Variants in GALNT9 observed in about 807,000 individuals in gnomAD.
GALNT9 encodes GalNAc transferase 9.
GALNT9 carries 47 observed loss-of-function variants against 63.1 expected under a neutral mutation model. The observed-to-expected ratio is 0.75, with a 90% confidence interval of 0.59 to 0.95. The LOEUF (loss-of-function observed/expected upper bound fraction) is 0.95. GALNT9 is among the 40% of genes least tolerant of loss of function. The pLI is 0.00. For synonymous variants in GALNT9, 396 were observed against 365.7 expected (o/e 1.08, Z -0.94); for missense variants, 829 against 874.8 (o/e 0.95, Z 0.66).
chr12:132,302,445 C>T (rs1881334268), intron 1 of GALNT9, among the ~76,000 whole-genome samples: 2 of 152,232 alleles, frequency 1.3e-5, no homozygotes, highest in African/African-American at 4.8e-5. Flanking sequence ...ACTAAAAATT[C>T]TTCATAAACA....
rs777497482 is a variant in GALNT9 at position 132,201,259 on chromosome 12, G to C, written c.1266C>G (p.Asn422Lys). The C allele has an allele frequency of 6.2e-6, 10 of 1,611,396 alleles. No individual in the cohort carries two copies. The highest frequency in any genetic ancestry group is 8.5e-6 in the Non-Finnish European group (10 of 1,177,924). ...ACACGTCCCCGAAGTCCACCCCTGG[G>C]TTCTGCAAGGCCAGAAGTAGGTGAG... is the stretch of plus-strand genomic sequence containing the variant. ...VYMAWNIPMS[N>K]PGVDFGDVSE... Residue 422 changes from asparagine to lysine, a missense_variant and splice_region_variant, in exon 8 of 11, where the codon AAC (asparagine) becomes AAG (lysine). Asn to Lys is a moderately conservative substitution (Grantham distance 94). Transcript: ENST00000328957.
rs113323536 is a variant in GALNT9 at position 132,325,727 on chromosome 12, C to A, written c.238+3239G>T. On this transcript the variant is annotated intron_variant, in intron 1 of 10. Transcript: ENST00000328957. ...GGCCCAGACCTCTCAGACCTGGGAC[C>A]TGGGCTAGGGCAGGTCAGTGAGAGG... 3.1e-3 allele frequency among the ~76,000 whole-genome samples: 468 copies of A among 152,326 alleles called. 5 individuals are homozygous for A. Among genetic ancestry groups the A allele is most frequent in the Non-Finnish European group, 2.8e-3 (193 of 68,030 alleles).
At position 132,243,416 on chromosome 12, in the gene GALNT9, C is replaced by A. The variant is rs2136905403; in HGVS notation, c.1077+4494G>T. Among the ~76,000 whole-genome samples the A allele has an allele frequency of 1.3e-4, 20 of 152,224 alleles. No homozygotes were observed. In the South Asian group the frequency reaches 1.5e-3, roughly 11 times the overall value. ...AGCTCTCTCTGGTGGGGGCCCCAGT[C>A]CTCCTCGTCTTCCGGAGCTCTCTCT... On this transcript the variant is annotated intron_variant, in intron 6 of 10. Transcript: ENST00000328957.
At position 132,323,018 on chromosome 12, in the gene GALNT9, G is replaced by A. The variant is rs539652069; in HGVS notation, c.238+5948C>T. Among the ~76,000 whole-genome samples, 12 of 152,272 alleles carry A rather than the reference G, an allele frequency of 7.9e-5. No homozygotes were observed. The South Asian group carries it at 8.3e-4, about 11-fold the overall frequency. On this transcript the variant is annotated intron_variant, in intron 1 of 10. Coordinates refer to ENST00000328957, the MANE Select transcript of GALNT9 (RefSeq NM_001122636.2). ...CTTGCCCCCTCCTCCAGCGCCTCCC[G>A]GCTTCTCCACCTCCTTGTCCCTTCA...
chr12:132,262,412 AC>A, intron 3 of GALNT9, 46 bp downstream of exon 3: 2 of 1,521,232 alleles, frequency 1.3e-6, no homozygotes, highest in Admixed American at 4.1e-5. Context: ...CAACCCAGCC[AC>A]AGGCAGCCGC....
intron 4 of GALNT9, 68 bp from the exon 5 acceptor site, chr12:132,257,954 C>A: frequency 1.8e-6 from 2 of 1,141,630 alleles, no homozygotes; most frequent in East Asian, 2.6e-5. Context: ...GGTCCACTCG[C>A]CCACAGGGAG....
At chr12:132,263,929 C>T (rs534884153) in intron 2 of GALNT9, among the ~76,000 whole-genome samples, 25 of 152,232 alleles carry the variant, frequency 1.6e-4, no homozygotes, top group African/African-American at 3.6e-4. Context: ...GGCCTGGCTG[C>T]GGGGCCACAT....
At chr12:132,263,089 T>G (rs1427963804) in intron 2 of GALNT9, among the ~76,000 whole-genome samples, 1 of 151,638 alleles carries the variant, frequency 6.6e-6, no homozygotes, top group Non-Finnish European at 1.5e-5. Context: ...GCCATCAGCT[T>G]CAGGAGCACG....
intron 1 of GALNT9, among the ~76,000 whole-genome samples, chr12:132,311,636 C>T (rs574598429): frequency 1.3e-5 from 2 of 152,320 alleles, no homozygotes; most frequent in East Asian, 1.9e-4. Context: ...GGGCAGCTGC[C>T]GTGGGACAGC....
chr12:132,198,612 A>AG (rs370845210), intron 9 of GALNT9, among the ~76,000 whole-genome samples: 26 of 152,170 alleles, frequency 1.7e-4, no homozygotes, highest in African/African-American at 6.0e-4. Context: ...CTCTTGACTG[A>AG]GGGGGGAGTG....
At chr12:132,228,750 C>T (rs1308517765) in intron 6 of GALNT9, among the ~76,000 whole-genome samples, 1 of 152,112 alleles carries the variant, frequency 6.6e-6, no homozygotes, top group African/African-American at 2.4e-5. Flanking sequence ...AGAGAGCAAA[C>T]GATTTCCAAC....
At chr12:132,197,758 C>A in intron 10 of GALNT9, 34 bp downstream of exon 10, 1 of 1,398,436 alleles carries the variant, frequency 7.2e-7, no homozygotes, top group Non-Finnish European at 9.9e-7. Context: ...CTGCCCCGCC[C>A]CAACCCCACG....
chr12:132,269,311 G>A (rs971987612), intron 2 of GALNT9, among the ~76,000 whole-genome samples: 5 of 152,250 alleles, frequency 3.3e-5, no homozygotes, highest in African/African-American at 1.2e-4. Context: ...CACGCGTGGC[G>A]GGTCCCATGC....
chr12:132,198,060 C>T (rs1875665477), intron 9 of GALNT9, 101 bp from the exon 10 acceptor site: 2 of 987,928 alleles, frequency 2.0e-6, no homozygotes, highest in Non-Finnish European at 3.0e-6. Context: ...AAACGGGGCC[C>T]TGCGCGGCTG....
At position 132,260,945 on chromosome 12, in the gene GALNT9, T is replaced by C. The variant is rs1555239675; in HGVS notation, c.761+3A>G. ...TGGCTGTCCAGCCTGTTCCGGCCCTTACCAGCCCGTGTTGAACTCGACGTG... is the reference window on the plus strand; with the variant it reads ...TGGCTGTCCAGCCTGTTCCGGCCCTCACCAGCCCGTGTTGAACTCGACGTG... On this transcript the variant is annotated splice_donor_region_variant and intron_variant, in intron 4 of 10. Transcript: ENST00000328957. 6.5e-7 allele frequency: 1 copy of C among 1,537,704 alleles called. No homozygotes were observed. Among genetic ancestry groups the C allele is most frequent in the Non-Finnish European group, 8.8e-7 (1 of 1,141,870 alleles).
rs759517558 is a variant in GALNT9 at position 132,197,943 on chromosome 12, G to A, written c.1514C>T (p.Ala505Val). 9 of 1,609,800 alleles carry A rather than the reference G, an allele frequency of 5.6e-6. No individual in the cohort carries two copies. Among genetic ancestry groups the A allele is most frequent in the African/African-American group, 1.3e-5 (1 of 74,922 alleles). The change falls in exon 10 of 11, where the codon GCT (alanine) becomes GTT (valine). Residue 505 changes from alanine (A) to valine (V), a missense_variant. By Grantham distance (64) the Ala-to-Val change is moderately conservative (BLOSUM62 0). Coordinates refer to ENST00000328957, the MANE Select transcript of GALNT9 (RefSeq NM_001122636.2). ...AGGCCCCAGCTGCAGCAGTCCATCAGCGCTGTACCGCACCAGCTGGGGACA... is the reference window on the plus strand; with the variant it reads ...AGGCCCCAGCTGCAGCAGTCCATCAACGCTGTACCGCACCAGCTGGGGACA... Reference protein sequence around the residue: ...GMSSQLVRYSADGLLQLGPLG... With the variant: ...GMSSQLVRYSVDGLLQLGPLG...
intron 6 of GALNT9, among the ~76,000 whole-genome samples, chr12:132,220,353 AAG>A (rs1877401536): frequency 6.6e-6 from 1 of 152,196 alleles, no homozygotes; most frequent in Admixed American, 6.5e-5. Flanking sequence ...GAGACAGAAA[AAG>A]AGAGTAATTA....
intron 6 of GALNT9, among the ~76,000 whole-genome samples, chr12:132,208,675 G>A (rs763981031): frequency 5.9e-5 from 9 of 152,132 alleles, no homozygotes; most frequent in Non-Finnish European, 8.8e-5. Context: ...GCTGACTGCC[G>A]GCATCAGCAA....
chr12:132,281,448 CT>C (rs1371611503), intron 2 of GALNT9, among the ~76,000 whole-genome samples: 2 of 152,272 alleles, frequency 1.3e-5, no homozygotes, highest in Non-Finnish European at 2.9e-5. Context: ...AGCCTCCTCA[CT>C]TTTTTTGGGA....
Sources: allele counts gnomAD v4.1 joint callset (sites outside exome capture counted in the v4.1 genomes callset), GRCh38; gene constraint gnomAD v4.1.1; transcripts MANE v1.5; gene names NCBI Gene and HGNC (gene_info 2026-07-23, HGNC 2026-07-21).